Variants in TTC7A observed in about 807,000 individuals in gnomAD.
The protein encoded by TTC7A is tetratricopeptide repeat domain 7A.
Under a neutral mutation model 103.7 loss-of-function variants are expected in TTC7A, and 110 were observed. The observed-to-expected ratio is 1.06, with a 90% CI of 0.91 to 1.24. The LOEUF (loss-of-function observed/expected upper bound fraction) is 1.24, where lower values mean the gene tolerates loss of function less well. Ranked by LOEUF, TTC7A falls within the 50% of genes most tolerant of loss-of-function variation. The probability of loss-of-function intolerance (pLI) is 0.00; values close to 1 mark genes in which losing one functional copy is unlikely to be tolerated. For missense variants in TTC7A, 1,340 were observed against 1,116.3 expected, an observed-to-expected ratio of 1.20 and a Z score of -2.86; for synonymous variants, 521 against 467.9, an observed-to-expected ratio of 1.11 and a Z score of -1.47.
At chr2:46,984,506 G>A (rs1674805067) in intron 5 of TTC7A, among the ~76,000 whole-genome samples, 1 of 152,178 alleles carries the variant, frequency 6.6e-6, no homozygotes, top group Non-Finnish European at 1.5e-5. Context: ...AAAACACCTG[G>A]AGTATTTTCA....
intron 5 of TTC7A, among the ~76,000 whole-genome samples, chr2:46,983,279 A>G (rs1194726694): frequency 1.3e-5 from 2 of 152,142 alleles, no homozygotes; most frequent in African/African-American, 4.8e-5. Context: ...GGGGCTGAGG[A>G]CGGCCCGGGG....
At chr2:46,997,637 C>T (rs1486326569) in intron 8 of TTC7A, among the ~76,000 whole-genome samples, 3 of 152,170 alleles carry the variant, frequency 2.0e-5, no homozygotes, top group Non-Finnish European at 2.9e-5. Context: ...CCCCAGGACG[C>T]AGGGCTCCTG....
upstream of TTC7A, among the ~76,000 whole-genome samples, chr2:46,936,539 G>T (rs1267670737): frequency 6.6e-6 from 1 of 152,172 alleles, no homozygotes; most frequent in Non-Finnish European, 1.5e-5. Context: ...TGAGCCACAG[G>T]ATACACAAGC....
chr2:46,964,100 C>A (rs1251758122), intron 3 of TTC7A, among the ~76,000 whole-genome samples: 1 of 152,206 alleles, frequency 6.6e-6, no homozygotes, highest in Non-Finnish European at 1.5e-5. Flanking sequence ...CTGTGGACAT[C>A]GCTCTCTCTG....
chr2:46,994,970 A>G (rs1167484055), intron 7 of TTC7A, among the ~76,000 whole-genome samples, 166 bp from the exon 8 acceptor site: 1 of 152,170 alleles, frequency 6.6e-6, no homozygotes, highest in Non-Finnish European at 1.5e-5. Context: ...AGCCTTTCAG[A>G]TCCATAACTC....
At chr2:46,917,105 C>T (rs898406070) in intron 1 of TTC7A, 11 of 690,658 alleles carry the variant, frequency 1.6e-5, no homozygotes, top group Non-Finnish European at 2.6e-5. Context: ...CTTTTCCCAC[C>T]TTCATCTGAG....
At chr2:46,936,361 C>T (rs991681922), upstream of TTC7A, among the ~76,000 whole-genome samples, 1 of 151,910 alleles carries the variant, frequency 6.6e-6, no homozygotes, top group Non-Finnish European at 1.5e-5. Flanking sequence ...GGCCCAGGGA[C>T]AAATTTTGTC....
At chr2:47,026,343 C>G (rs1190833723) in intron 14 of TTC7A, among the ~76,000 whole-genome samples, 1 of 152,334 alleles carries the variant, frequency 6.6e-6, no homozygotes, top group East Asian at 1.9e-4. Flanking sequence ...AGCCAGTGGC[C>G]CCACTGATCT....
upstream of TTC7A, among the ~76,000 whole-genome samples, chr2:46,940,981 C>A (rs1670281813): frequency 1.3e-5 from 2 of 151,704 alleles, no homozygotes; most frequent in South Asian, 4.1e-4. This position sits in a 1 kb window ranked among gnomAD's most constrained non-coding sequence, Gnocchi z 4.7. Context: ...GGGCGGGAAG[C>A]GAGGCGCCCC....
intron 18 of TTC7A, among the ~76,000 whole-genome samples, chr2:47,056,751 A>G (rs955457455): frequency 1.3e-5 from 2 of 152,168 alleles, no homozygotes; most frequent in African/African-American, 4.8e-5. Flanking sequence ...AGAGGAGGAA[A>G]ACCGGAGACA....
At chr2:47,001,433 G>A (rs890219657) in intron 8 of TTC7A, among the ~76,000 whole-genome samples, 1 of 152,144 alleles carries the variant, frequency 6.6e-6, no homozygotes. Flanking sequence ...GGGACCTTAT[G>A]CAAGGTAGTT....
At chr2:47,068,776 A>T (rs1475073613) in intron 19 of TTC7A, among the ~76,000 whole-genome samples, 1 of 149,894 alleles carries the variant, frequency 6.7e-6, no homozygotes, top group Admixed American at 6.8e-5. Context: ...TCCATCACCA[A>T]CCCTGATGAG....
intron 14 of TTC7A, among the ~76,000 whole-genome samples, chr2:47,024,889 C>T (rs1215752204): frequency 6.6e-6 from 1 of 152,192 alleles, no homozygotes; most frequent in Non-Finnish European, 1.5e-5. Context: ...CCCGCCTTTT[C>T]CCCAGGGGTG....
chr2:46,987,465 C>A lies in TTC7A; in HGVS notation c.765-5985C>A, dbSNP rs543783917. ...GGCTCTAACTGCACTAGGACAAGTG[C>A]CTGGGCATCTCCCAAGGACAAGAAT... On this transcript the variant is annotated intron_variant, in intron 5 of 19. Transcript: ENST00000319190. Among the ~76,000 whole-genome samples, 4 of 152,290 alleles carry A rather than the reference C, an allele frequency of 2.6e-5. No individual in the cohort carries two copies. The East Asian group carries it at 7.7e-4, about 29-fold the overall frequency.
chr2:47,041,208 G>A (rs750959796), intron 15 of TTC7A, among the ~76,000 whole-genome samples: 4 of 152,158 alleles, frequency 2.6e-5, no homozygotes, highest in Non-Finnish European at 2.9e-5. Flanking sequence ...ATTGGCCAGC[G>A]CTCTGCTTGT....
intron 16 of TTC7A, among the ~76,000 whole-genome samples, 161 bp from the exon 17 acceptor site, chr2:47,049,788 C>T (rs746946955): frequency 1.2e-4 from 19 of 152,156 alleles, no homozygotes; most frequent in Non-Finnish European, 2.5e-4. Context: ...TTGGTGACTT[C>T]AGCTCTGTCT....
In TTC7A at chr2:47,046,377, C is replaced by T. The variant is rs1351225418; in HGVS notation, c.1865C>T (p.Thr622Ile). 3 of 1,614,120 alleles carry T rather than the reference C, an allele frequency of 1.9e-6. No homozygotes were observed. The South Asian group carries it at 3.3e-5, about 18-fold the overall frequency. Reference sequence around the variant, plus strand: ...AAAGGCCCAGAGGAAGCCCTCGTGACCTGCAGACAAGTGCTGAGGCTGTGG... The same window carrying T: ...AAAGGCCCAGAGGAAGCCCTCGTGATCTGCAGACAAGTGCTGAGGCTGTGG... ...VLKGPEEALVTCRQVLRLWQT... is the reference protein window; with the variant it reads ...VLKGPEEALVICRQVLRLWQT... Residue 622 changes from threonine (T) to isoleucine (I), a missense_variant, in exon 16 of 20, where the codon ACC (threonine) becomes ATC (isoleucine). Transcript: ENST00000319190.
chr2:46,989,394 G>A (rs1240730029), intron 5 of TTC7A, among the ~76,000 whole-genome samples: 2 of 152,264 alleles, frequency 1.3e-5, no homozygotes, highest in Non-Finnish European at 2.9e-5. Flanking sequence ...TGGCAGGGCA[G>A]CCAGCAATGG....
At chr2:47,056,718 G>A (rs111312484) in intron 18 of TTC7A, among the ~76,000 whole-genome samples, 222 of 152,342 alleles carry the variant, frequency 1.5e-3, no homozygotes, top group African/African-American at 5.2e-3. Flanking sequence ...ACAGAGGAGA[G>A]GGGGTGGAGA....
Sources: allele counts gnomAD v4.1 joint callset (sites outside exome capture counted in the v4.1 genomes callset), GRCh38; gene constraint gnomAD v4.1.1; non-coding constraint Gnocchi (gnomAD v3.1); transcripts MANE v1.5; gene names NCBI Gene and HGNC (gene_info 2026-07-23, HGNC 2026-07-21).